Variants in DDX24 observed in about 807,000 individuals in gnomAD.
DDX24 encodes DEAD-box helicase 24.
A neutral mutation model predicts 68.9 loss-of-function variants in DDX24; 24 were observed. The observed-to-expected ratio is 0.35, with a 90% CI of 0.25 to 0.49. The LOEUF (loss-of-function observed/expected upper bound fraction) is 0.49, where lower values mean the gene tolerates loss of function less well. DDX24 is among the 20% of genes least tolerant of loss of function. The pLI, the probability that DDX24 is intolerant of heterozygous loss-of-function variation, is 0.99. For missense variants in DDX24, 989 were observed against 1,039.0 expected (o/e 0.95, Z 0.66); for synonymous variants, 395 against 385.2 (o/e 1.03, Z -0.30).
At chr14:94,071,110 C>T (rs1288379975) in intron 2 of DDX24, among the ~76,000 whole-genome samples, 2 of 152,212 alleles carry the variant, frequency 1.3e-5, no homozygotes, top group African/African-American at 4.8e-5. Context: ...ACAATCTATA[C>T]ATCTGACAAA....
At chr14:94,075,644 A>T (rs1885922696) in intron 2 of DDX24, among the ~76,000 whole-genome samples, 1 of 151,570 alleles carries the variant, frequency 6.6e-6, no homozygotes, top group African/African-American at 2.4e-5. Context: ...AAATTCATAA[A>T]AGACAAGGCT....
chr14:94,067,158 A>C (rs1885721879), intron 2 of DDX24, among the ~76,000 whole-genome samples: 1 of 152,148 alleles, frequency 6.6e-6, no homozygotes, highest in African/African-American at 2.4e-5. Flanking sequence ...AAAATTCAGG[A>C]AACTCTAGAC....
chr14:94,055,395 C>T (rs1885474362), intron 6 of DDX24: 1 of 561,788 alleles, frequency 1.8e-6, no homozygotes, highest in Non-Finnish European at 3.1e-6. Context: ...GCTCTTCCCT[C>T]CCATGCCCCT....
At position 94,048,857 on chromosome 14, in the gene DDX24, A is replaced by G. The variant is rs1885334198; in HGVS notation, c.*2334T>C. On this transcript the variant is annotated 3_prime_UTR_variant, in exon 9 of 9. Coordinates refer to ENST00000621632, the MANE Select transcript of DDX24 (RefSeq NM_020414.4). The stretch of plus-strand genomic sequence containing the variant: ...TTCCAGGGGCCCCAGGCCCTGCTGG[A>G]TGTGGGCCAAGCCCTACAGCTTCCC... 6.6e-6 allele frequency: 1 copy of G among 152,276 alleles called. No individual in the cohort carries two copies. The highest frequency in any genetic ancestry group is 1.5e-5 in the Non-Finnish European group (1 of 68,068). The allele number at this position is 152,276 out of a possible 1,614,324, so 9.4% of individuals were successfully genotyped here.
At chr14:94,080,293 T>A (rs1020033525) in intron 1 of DDX24, among the ~76,000 whole-genome samples, 20 of 152,196 alleles carry the variant, frequency 1.3e-4, no homozygotes, top group Admixed American at 2.0e-4. Flanking sequence ...TGCTCCACCA[T>A]CCTTTCCTTT....
At chr14:94,074,229 C>T (rs1241676888) in intron 2 of DDX24, among the ~76,000 whole-genome samples, 1 of 152,056 alleles carries the variant, frequency 6.6e-6, no homozygotes, top group Non-Finnish European at 1.5e-5. Context: ...CAGAATACTT[C>T]AGAAATCATT....
Position 94,062,278 on chromosome 14 carries a change from A to T in DDX24, c.1062T>A (p.Asn354Lys), listed in dbSNP as rs763329050. The change falls in exon 3 of 9, where the codon AAT becomes AAA. Residue 354 changes from asparagine to lysine, a missense_variant. By Grantham distance (94) the Asn-to-Lys change is moderately conservative. This residue lies in a region of DDX24 where 691 missense variants were observed against 760.0 expected (regional missense o/e 0.91). Coordinates refer to ENST00000621632, the MANE Select transcript of DDX24 (RefSeq NM_020414.4). ...TATCAAGATTTTCCTCCTCATTCTC[A>T]TTCTGTTTGGGAACAGGTTTCTCCC... is the stretch of plus-strand genomic sequence containing the variant. ...LIREKPVPKQ[N>K]ENEEENLDKE... is the part of the protein sequence containing the mutation. 14 of 1,614,010 alleles carry T rather than the reference A, an allele frequency of 8.7e-6. No homozygotes were observed. Among genetic ancestry groups the T allele is most frequent in the African/African-American group, 1.3e-5 (1 of 74,898 alleles).
intron 2 of DDX24, among the ~76,000 whole-genome samples, chr14:94,071,802 G>A (rs928457561): frequency 6.6e-6 from 1 of 152,042 alleles, no homozygotes; most frequent in African/African-American, 2.4e-5. Context: ...AAAATTAGCT[G>A]GGTATGGTGG....
At chr14:94,065,924 G>A (rs1168941995) in intron 2 of DDX24, among the ~76,000 whole-genome samples, 1 of 152,200 alleles carries the variant, frequency 6.6e-6, no homozygotes, top group Non-Finnish European at 1.5e-5. Flanking sequence ...ACAGGAGCTG[G>A]GGGCAAAACT....
At chr14:94,079,827 C>T (rs918648964) in intron 1 of DDX24, 80 bp from the exon 2 acceptor site, 3 of 1,303,948 alleles carry the variant, frequency 2.3e-6, no homozygotes, top group Non-Finnish European at 3.2e-6. Context: ...TTCTAAGCAA[C>T]TAGGCCCTAC....
chr14:94,080,485 C>T (rs1471757668), intron 1 of DDX24, among the ~76,000 whole-genome samples: 1 of 152,166 alleles, frequency 6.6e-6, no homozygotes, highest in Non-Finnish European at 1.5e-5. Flanking sequence ...AGATCCACCA[C>T]TTGTCAGCTG....
chr14:94,066,504 T>C (rs1240176831), intron 2 of DDX24, among the ~76,000 whole-genome samples: 4 of 152,164 alleles, frequency 2.6e-5, no homozygotes, highest in Admixed American at 2.0e-4. Flanking sequence ...TTCTGGAAAG[T>C]GCCACCTCCT....
At chr14:94,066,947 A>T (rs1649103392) in intron 2 of DDX24, among the ~76,000 whole-genome samples, 1 of 152,192 alleles carries the variant, frequency 6.6e-6, no homozygotes, top group Admixed American at 6.5e-5. Flanking sequence ...CCCCAACAAA[A>T]AATCATACTA....
At chr14:94,072,475 T>C (rs1263662243) in intron 2 of DDX24, among the ~76,000 whole-genome samples, 1 of 152,178 alleles carries the variant, frequency 6.6e-6, no homozygotes, top group Non-Finnish European at 1.5e-5. Context: ...GGGCAAGGGA[T>C]GAAATACTAC....
chr14:94,059,979 CTA>C lies in DDX24; in HGVS notation c.1913+117_1913+118del, dbSNP rs1885560794. 8 of 1,176,362 alleles carry C rather than the reference CTA, an allele frequency of 6.8e-6. No homozygotes were observed. In the South Asian group the frequency reaches 1.4e-4, roughly 20 times the overall value. The allele number at this position is 1,176,362 out of a possible 1,614,324, so 72.9% of individuals were successfully genotyped here. A position where few individuals can be genotyped will look rare whatever the true frequency, so the allele number is the denominator to read the frequency against. On this transcript the variant is annotated intron_variant, in intron 5 of 8. Transcript: ENST00000621632. ...TGCAAAAAAAAAAAAAGGCTACCTA[CTA>C]CTGAGACAAGGCCCCTATGACAGAA... is the stretch of plus-strand genomic sequence containing the variant.
intron 6 of DDX24, chr14:94,057,376 A>C (rs1049124451): frequency 5.1e-5 from 8 of 156,980 alleles, no homozygotes; most frequent in Non-Finnish European, 1.1e-4. Context: ...CTCAGTAAGA[A>C]CCCTAAGAAG....
rs985946515 is a variant in DDX24 at position 94,079,399 on chromosome 14, T to G, written c.344A>C (p.Gln115Pro). The G allele has an allele frequency of 6.2e-7, 1 of 1,614,126 alleles. No individual in the cohort carries two copies. The highest frequency in any genetic ancestry group is 2.2e-5 in the East Asian group (1 of 44,888). The change falls in exon 2 of 9, where the codon CAG becomes CCG. Residue 115 changes from glutamine (Q) to proline (P), a missense_variant. Around this residue, in one of 3 missense-constraint regions of DDX24, gnomAD observed 295 missense variants for 263.0 expected, o/e 1.12. Coordinates refer to ENST00000621632, the MANE Select transcript of DDX24 (RefSeq NM_020414.4). ...AGGATCTTTCACTTCAAATTCTTTC[T>G]GGGTACTGGTTCCTTCAGTTGCTAC... ...KNVATEGTST[Q>P]KEFEVKDPEL...
In DDX24 at chr14:94,051,249, GTCT is replaced by G. The variant is rs756885257; in HGVS notation, c.2519_2521del (p.Lys840del). 251 of 1,592,656 alleles carry G rather than the reference GTCT, an allele frequency of 1.6e-4. No homozygotes were observed. The highest frequency in any genetic ancestry group is 4.5e-4 in the Admixed American group (25 of 55,606). On this transcript the variant is annotated inframe_deletion, in exon 9 of 9. Transcript: ENST00000621632. ...CGGCTGTGGCTCCTTCGGCTTCTTT[GTCT>G]TCTTCTTCTTCTGCTTGGAGAGACA... is the stretch of plus-strand genomic sequence containing the variant.
At chr14:94,055,860 G>C (rs1428867824) in intron 6 of DDX24, 1 of 152,236 alleles carries the variant, frequency 6.6e-6, no homozygotes, top group African/African-American at 2.4e-5. Flanking sequence ...AAGTGCCCCT[G>C]AACACTGCCC....
Sources: gnomAD v4.1 joint callset for allele counts (sites outside exome capture counted in the v4.1 genomes callset) on GRCh38, gnomAD v4.1.1 for gene constraint, gnomAD v4.1.1 regional missense constraint, MANE v1.5 for transcripts, NCBI Gene and HGNC (gene_info 2026-07-23, HGNC 2026-07-21) for gene names.